The following TGIF1 variants were observed in gnomAD, a reference collection of about 807,000 sequenced individuals.
The protein encoded by TGIF1 is TGFB induced factor homeobox 1, also known as homeobox protein TGIF1.
In TGIF1, 4 loss-of-function variants were observed where a neutral mutation model predicts 19.3. That is an observed-to-expected ratio of 0.21 (90% confidence interval 0.10 to 0.47). TGIF1 has a LOEUF of 0.47. Ranked by LOEUF, TGIF1 falls within the 20% of genes least tolerant of loss-of-function variation. The pLI, the probability that TGIF1 is intolerant of heterozygous loss-of-function variation, is 0.98. For missense variants in TGIF1, 275 were observed against 341.4 expected, an observed-to-expected ratio of 0.81 and a Z score of 1.53; for synonymous variants, 122 against 129.3, an observed-to-expected ratio of 0.94 and a Z score of 0.38.
At chr18:3,417,165 G>T (rs1403580087) in intron 1 of TGIF1, among the ~76,000 whole-genome samples, 2 of 151,914 alleles carry the variant, frequency 1.3e-5, no homozygotes, top group Non-Finnish European at 2.9e-5. Flanking sequence ...GTTGTTCGTT[G>T]TTTGTTTGTT....
intron 2 of TGIF1, among the ~76,000 whole-genome samples, chr18:3,428,716 G>A (rs990668626): frequency 1.3e-5 from 2 of 151,670 alleles, no homozygotes; most frequent in Admixed American, 6.6e-5. Context: ...CAGTTTGGGC[G>A]ACAGAGCAAG....
intron 2 of TGIF1, among the ~76,000 whole-genome samples, chr18:3,428,115 C>T (rs1219188362): frequency 1.3e-5 from 2 of 152,162 alleles, no homozygotes; most frequent in Non-Finnish European, 2.9e-5. Context: ...AACTGCTAGC[C>T]CTTCACAAAT....
chr18:3,451,866 G>A lies in TGIF1; in HGVS notation c.16+1361G>A, dbSNP rs998983625. On this transcript the variant is annotated intron_variant, in intron 1 of 2. Coordinates refer to ENST00000343820, the MANE Select transcript of TGIF1 (RefSeq NM_003244.4). This position sits in a 1 kb window ranked among gnomAD's most constrained non-coding sequence, Gnocchi z 5.4. ...GGGAGAAAACGCGCGGGGGGCGTCC[G>A]AGACGCCCCGTGAAAGCCGTGCCGA... The A allele has an allele frequency of 4.2e-6, 6 of 1,416,788 alleles. No individual in the cohort carries two copies. The highest frequency in any genetic ancestry group is 1.8e-5 in the South Asian group (1 of 56,936). 87.8% of individuals were successfully genotyped at this position (1,416,788 alleles called of 1,614,324 possible).
intron 2 of TGIF1, among the ~76,000 whole-genome samples, chr18:3,427,288 C>T (rs1340469360): frequency 6.8e-6 from 1 of 148,080 alleles, no homozygotes; most frequent in African/African-American, 2.6e-5. Flanking sequence ...AGAATACATT[C>T]TCCCTTTTTT....
chr18:3,450,444 C>T lies in TGIF1; in HGVS notation c.-46C>T. The T allele has an allele frequency of 6.4e-7, 1 of 1,553,058 alleles. No homozygotes were observed. The highest frequency in any genetic ancestry group is 8.7e-7 in the Non-Finnish European group (1 of 1,148,028). On this transcript the variant is annotated 5_prime_UTR_variant, in exon 1 of 3. Transcript: ENST00000343820. ...TATCCCCTGTGTCCCCGCTCCTGGC[C>T]CCTCCAGACCCCCGCCTTGCCTCGC...
At chr18:3,445,495 C>T (rs1033409470), upstream of TGIF1, among the ~76,000 whole-genome samples, 13 of 151,558 alleles carry the variant, frequency 8.6e-5, no homozygotes, top group South Asian at 4.2e-4. Context: ...GAGGCTGAGG[C>T]GGGCGGATCA....
intron 2 of TGIF1, among the ~76,000 whole-genome samples, chr18:3,422,968 C>T (rs1279702047): frequency 5.9e-5 from 9 of 152,082 alleles, no homozygotes; most frequent in South Asian, 2.1e-4. Context: ...GGATTGTAGG[C>T]GTGAGCCACC....
upstream of TGIF1, chr18:3,447,960 TC>T: frequency 1.1e-6 from 1 of 884,382 alleles, no homozygotes; most frequent in Non-Finnish European, 1.4e-6. Context: ...ATTAGCCAAG[TC>T]CACTTGGACG....
intron 2 of TGIF1, among the ~76,000 whole-genome samples, chr18:3,442,437 G>A (rs1222239096): frequency 2.6e-5 from 4 of 151,966 alleles, no homozygotes; most frequent in African/African-American, 9.7e-5. Context: ...GGGACACATT[G>A]CCTTCTTGCA....
chr18:3,447,625 G>A (rs138419964), upstream of TGIF1: 11 of 1,152,682 alleles, frequency 9.5e-6, no homozygotes, highest in Non-Finnish European at 1.4e-5. Flanking sequence ...TGGCTGGGGG[G>A]AGGCAGTGGG....
intron 1 of TGIF1, 44 bp downstream of exon 1, chr18:3,450,549 G>A: frequency 6.4e-7 from 1 of 1,554,136 alleles, no homozygotes; most frequent in African/African-American, 1.4e-5. Flanking sequence ...CGCGAGTCCG[G>A]GGAAACGTGC....
chr18:3,450,367 G>A lies in TGIF1; in HGVS notation c.-123G>A, dbSNP rs2082865822. 8 of 1,524,852 alleles carry A rather than the reference G, an allele frequency of 5.2e-6. No homozygotes were observed. The South Asian group carries it at 9.9e-5, about 19-fold the overall frequency. The allele number at this position is 1,524,852 out of a possible 1,614,324, so 94.5% of individuals were successfully genotyped here. A position where few individuals can be genotyped will look rare whatever the true frequency, so the allele number is the denominator to read the frequency against. On this transcript the variant is annotated 5_prime_UTR_variant, in exon 1 of 3. Transcript: ENST00000343820. ...AGCGTCCTGTTTAGCAATAACGGCTGGAGCACGTCCTACAAGTTACGGGAG... is the reference window on the plus strand; with the variant it reads ...AGCGTCCTGTTTAGCAATAACGGCTAGAGCACGTCCTACAAGTTACGGGAG...
chr18:3,439,117 T>G (rs1405841176), intron 2 of TGIF1, among the ~76,000 whole-genome samples: 3 of 152,120 alleles, frequency 2.0e-5, no homozygotes, highest in African/African-American at 7.2e-5. Flanking sequence ...GAATTTGCTT[T>G]AAAGTAATAT....
chr18:3,416,579 T>C (rs2082334561), intron 1 of TGIF1, among the ~76,000 whole-genome samples: 2 of 152,076 alleles, frequency 1.3e-5, no homozygotes, highest in Admixed American at 1.3e-4. Context: ...CTGCAAGGGC[T>C]AGTGAGTCTG....
At chr18:3,431,475 A>C (rs1306025553) in intron 2 of TGIF1, among the ~76,000 whole-genome samples, 2 of 151,864 alleles carry the variant, frequency 1.3e-5, no homozygotes, top group Non-Finnish European at 2.9e-5. Context: ...AAATAATTAA[A>C]TCATAAATAA....
At chr18:3,425,821 T>C (rs963226437) in intron 2 of TGIF1, among the ~76,000 whole-genome samples, 5 of 152,182 alleles carry the variant, frequency 3.3e-5, no homozygotes, top group Admixed American at 2.0e-4. Flanking sequence ...TTGACTGCAA[T>C]GCCATGGGCT....
At chr18:3,449,590 C>A, upstream of TGIF1, 2 of 969,502 alleles carry the variant, frequency 2.1e-6, no homozygotes, top group Non-Finnish European at 2.4e-6. Context: ...GGAGGAAGAG[C>A]CCCGGGAGGA....
rs767659766 is a variant in TGIF1 at position 3,457,112 on chromosome 18, G to T, written c.244-253G>T. 1.7e-6 allele frequency: 1 copy of T among 582,850 alleles called. No individual in the cohort carries two copies. Among genetic ancestry groups the T allele is most frequent in the Admixed American group, 3.0e-5 (1 of 32,954 alleles). 36.1% of individuals were successfully genotyped at this position (582,850 alleles called of 1,614,324 possible). On this transcript the variant is annotated intron_variant, in intron 2 of 2. Coordinates refer to ENST00000343820, the MANE Select transcript of TGIF1 (RefSeq NM_003244.4). The surrounding 1 kb of genome is among the most constrained non-coding windows in gnomAD (Gnocchi z 4.9). ...TTTGAGATTGTATGTCTTTTTCTTC[G>T]TCCTGAAAAGGTTTAAGTATGAAGA...
upstream of TGIF1, chr18:3,450,142 C>T (rs945941406): frequency 1.6e-5 from 18 of 1,159,234 alleles, no homozygotes; most frequent in Admixed American, 1.3e-4. Context: ...GGAGGCAGGA[C>T]CTCCTGTACC....
Sources: allele counts gnomAD v4.1 joint callset (sites outside exome capture counted in the v4.1 genomes callset), GRCh38; gene constraint gnomAD v4.1.1; non-coding constraint Gnocchi (gnomAD v3.1); transcripts MANE v1.5; gene names NCBI Gene and HGNC (gene_info 2026-07-23, HGNC 2026-07-21).